The following DSG3 variants were observed in gnomAD, a reference collection of about 807,000 sequenced individuals.
The protein encoded by DSG3 is desmoglein 3.
DSG3 carries 63 observed loss-of-function variants against 85.9 expected under a neutral mutation model. The observed-to-expected ratio is 0.73, with a 90% CI of 0.60 to 0.90. The LOEUF (loss-of-function observed/expected upper bound fraction) is 0.90. DSG3 is among the 40% of genes least tolerant of loss of function. DSG3 has a pLI of 0.00. For synonymous variants in DSG3, 447 were observed against 441.9 expected (o/e 1.01, Z -0.14); for missense variants, 1,220 against 1,219.9 (o/e 1.00, Z 0.00).
rs577113476 is a variant in DSG3, at chr18:31,461,121, A to G, written c.814-106A>G. 1.4e-5 allele frequency: 17 copies of G among 1,242,222 alleles called. No homozygotes were observed. In the African/African-American group the frequency reaches 2.6e-4, roughly 19 times the overall value. 76.9% of individuals were successfully genotyped at this position (1,242,222 alleles called of 1,614,324 possible). ...AATATAAGAATTCAGTAATAAGAAG[A>G]AGGAAATACATAATTTGAGAAATAA... On this transcript the variant is annotated intron_variant, in intron 7 of 15. Coordinates refer to ENST00000257189, the MANE Select transcript of DSG3 (RefSeq NM_001944.3).
chr18:31,460,770 A>G, intron 6 of DSG3, 63 bp from the exon 7 acceptor site: 1 of 1,395,398 alleles, frequency 7.2e-7, no homozygotes, highest in Non-Finnish European at 9.7e-7. Context: ...ATAGGAATCA[A>G]GTAGTTTCCA....
At position 31,453,712 on chromosome 18, in the gene DSG3, CAAAA is replaced by C. The variant is rs534927900; in HGVS notation, c.49-2726_49-2723del. 1.5e-3 allele frequency among the ~76,000 whole-genome samples: 225 copies of C among 151,822 alleles called. 2 individuals carry two copies. The highest frequency in any genetic ancestry group is 5.3e-3 in the African/African-American group (220 of 41,464). ...TAAAATTTACAAAATAACCAGAAAA[CAAAA>C]AGAAAGAAAAGTACAGTAATTCTCA... On this transcript the variant is annotated intron_variant, in intron 1 of 15. Coordinates refer to ENST00000257189, the MANE Select transcript of DSG3 (RefSeq NM_001944.3).
rs1438046755 is a variant in DSG3, at chr18:31,478,515, G to A, written c.*2255G>A. On this transcript the variant is annotated 3_prime_UTR_variant, in exon 16 of 16. Transcript: ENST00000257189. ...AATTTCAAAAAAAAATCAATCTTTA[G>A]GATGACTTAAAAATTGATTTGCCAT... 6.6e-6 allele frequency: 1 copy of A among 152,002 alleles called. No homozygotes were observed. Among genetic ancestry groups the A allele is most frequent in the East Asian group, 1.9e-4 (1 of 5,196 alleles). The allele number at this position is 152,002 out of a possible 1,614,324, so 9.4% of individuals were successfully genotyped here.
chr18:31,472,397 A>G lies in DSG3; in HGVS notation c.2011A>G (p.Ile671Val), dbSNP rs182313668. ...GSEGTIHQWGIEGAHPEDKEI... is the reference protein window; with the variant it reads ...GSEGTIHQWGVEGAHPEDKEI... ...AGAAGGAACAATTCATCAGTGGGGA[A>G]TTGAAGGAGCCCATCCTGAAGACAA... The change falls in exon 13 of 16, where the codon ATT becomes GTT. Residue 671 changes from isoleucine to valine, a missense_variant. Physicochemically the swap from Ile to Val is conservative, Grantham distance 29 (BLOSUM62 3). Transcript: ENST00000257189. 1 of 1,614,018 alleles carries G rather than the reference A, an allele frequency of 6.2e-7. No homozygotes were observed. Among genetic ancestry groups the G allele is most frequent in the Non-Finnish European group, 8.5e-7 (1 of 1,179,978 alleles).
intron 11 of DSG3, among the ~76,000 whole-genome samples, chr18:31,468,877 T>TCCTTCCA (rs2072837579): frequency 6.6e-6 from 1 of 152,128 alleles, no homozygotes; most frequent in South Asian, 2.1e-4. Context: ...TGCTCTCTTG[T>TCCTTCCA]CCTTCCACCT....
At chr18:31,448,625 C>T (rs554241434) in intron 1 of DSG3, among the ~76,000 whole-genome samples, 1 of 146,924 alleles carries the variant, frequency 6.8e-6, no homozygotes, top group South Asian at 2.2e-4. Context: ...ATGTTACAGA[C>T]TAACTTACTC....
chr18:31,473,964 A>G (rs1012675723), intron 14 of DSG3, among the ~76,000 whole-genome samples, 157 bp from the exon 15 acceptor site: 2 of 152,182 alleles, frequency 1.3e-5, no homozygotes, highest in Non-Finnish European at 2.9e-5. Flanking sequence ...CTCTCACATA[A>G]CACATTGTGG....
chr18:31,475,380 T>C (rs921869634), intron 15 of DSG3, among the ~76,000 whole-genome samples: 2 of 152,150 alleles, frequency 1.3e-5, no homozygotes, highest in Non-Finnish European at 2.9e-5. Context: ...CTAGGTGGGA[T>C]GTGTGTTACA....
chr18:31,448,541 T>A (rs1475172302), intron 1 of DSG3, among the ~76,000 whole-genome samples: 1 of 151,998 alleles, frequency 6.6e-6, no homozygotes, highest in African/African-American at 2.4e-5. Flanking sequence ...AAGTAATACT[T>A]CTGTTGATTG....
Position 31,466,622 on chromosome 18 carries a change from G to A in DSG3, c.1504G>A (p.Val502Ile). Residue 502 changes from valine (V) to isoleucine (I), a missense_variant, in exon 11 of 16, where the codon GTT (valine) becomes ATT (isoleucine). Physicochemically the swap from Val to Ile is conservative, Grantham distance 29 (BLOSUM62 3). Transcript: ENST00000257189. ...CPTAVLEKDAVCSSSPSVVVS... is the reference protein window; with the variant it reads ...CPTAVLEKDAICSSSPSVVVS... ...AACAGCTGTCCTCGAAAAAGATGCA[G>A]TTTGCAGTTCTTCACCTTCCGTGGT... The A allele has an allele frequency of 6.2e-7, 1 of 1,614,094 alleles. No individual in the cohort carries two copies. Among genetic ancestry groups the A allele is most frequent in the Admixed American group, 1.7e-5 (1 of 60,012 alleles).
At chr18:31,457,207 A>G in intron 3 of DSG3, 83 bp downstream of exon 3, 11 of 1,432,216 alleles carry the variant, frequency 7.7e-6, no homozygotes, top group Non-Finnish European at 8.4e-6. Flanking sequence ...ATTCCAAATA[A>G]CAAAATGAAG....
intron 12 of DSG3, 34 bp downstream of exon 12, chr18:31,469,383 A>AGG: frequency 6.2e-7 from 1 of 1,607,906 alleles, no homozygotes; most frequent in Non-Finnish European, 8.5e-7. Context: ...CTGTTGGACC[A>AGG]GGTGTCCTCA....
chr18:31,469,528 C>T (rs750836756), intron 12 of DSG3, among the ~76,000 whole-genome samples, 179 bp downstream of exon 12: 7 of 152,162 alleles, frequency 4.6e-5, no homozygotes, highest in Non-Finnish European at 8.8e-5. Context: ...CGCTTGCTAA[C>T]AGTCTATATT....
rs1289097661 is a variant in DSG3, at chr18:31,474,325, G to A, written c.2306G>A (p.Arg769Lys). The part of the protein sequence containing the change: ...SSGQSGTMRT[R>K]HSTGGTNKDY... ...GGGCAGTCTGGAACCATGAGAACAAGGCATTCCACTGGAGGAACCAATAAG... is the reference window on the plus strand; with the variant it reads ...GGGCAGTCTGGAACCATGAGAACAAAGCATTCCACTGGAGGAACCAATAAG... Residue 769 changes from arginine (R) to lysine (K), a missense_variant, in exon 15 of 16, where the codon AGG (arginine) becomes AAG (lysine). Arg to Lys is a conservative substitution (Grantham distance 26). Coordinates refer to ENST00000257189, the MANE Select transcript of DSG3 (RefSeq NM_001944.3). The A allele has an allele frequency of 1.2e-6, 2 of 1,613,794 alleles. No homozygotes were observed. Among genetic ancestry groups the A allele is most frequent in the Non-Finnish European group, 1.7e-6 (2 of 1,180,024 alleles).
intron 11 of DSG3, among the ~76,000 whole-genome samples, chr18:31,468,129 G>A (rs945428925): frequency 2.0e-5 from 3 of 152,188 alleles, no homozygotes; most frequent in East Asian, 1.9e-4. Flanking sequence ...AAGAACTGTC[G>A]TGGGATCCAC....
Position 31,475,778 on chromosome 18 carries a change from G to A in DSG3, c.2518G>A (p.Asp840Asn). The A allele has an allele frequency of 6.2e-7, 1 of 1,614,140 alleles. No individual in the cohort carries two copies. Among genetic ancestry groups the A allele is most frequent in the Non-Finnish European group, 8.5e-7 (1 of 1,180,038 alleles). ...GGGTTGTTGCAGTTTTATTGCTGAT[G>A]ACCTGGATGACAGCTTCTTGGACTC... The part of the protein sequence containing the change: ...SVGCCSFIAD[D>N]LDDSFLDSLG... Residue 840 changes from aspartate to asparagine, a missense_variant, in exon 16 of 16, where the codon GAC becomes AAC. Asp to Asn is a conservative substitution (Grantham distance 23). Coordinates refer to ENST00000257189, the MANE Select transcript of DSG3 (RefSeq NM_001944.3).
chr18:31,457,936 C>T (rs1342567094), intron 3 of DSG3, among the ~76,000 whole-genome samples: 1 of 152,012 alleles, frequency 6.6e-6, no homozygotes, highest in Non-Finnish European at 1.5e-5. Context: ...GCCTGTTATA[C>T]TGTTCTAACT....
chr18:31,447,820 G>C lies in DSG3; in HGVS notation c.-58G>C. 1 of 1,460,414 alleles carries C rather than the reference G, an allele frequency of 6.8e-7. No homozygotes were observed. Among genetic ancestry groups the C allele is most frequent in the Non-Finnish European group, 9.3e-7 (1 of 1,073,560 alleles). 90.5% of individuals were successfully genotyped at this position (1,460,414 alleles called of 1,614,324 possible). ...TTTTCTTAGACATCAACTGCAGACG[G>C]CTGGCAGGATAGAAGCAGCGGCTCA... On this transcript the variant is annotated 5_prime_UTR_variant, in exon 1 of 16. Coordinates refer to ENST00000257189, the MANE Select transcript of DSG3 (RefSeq NM_001944.3).
At chr18:31,466,478 T>C in intron 10 of DSG3, 52 bp from the exon 11 acceptor site, 1 of 1,517,906 alleles carries the variant, frequency 6.6e-7, no homozygotes. Context: ...TCTCCTTTTT[T>C]GTACAACTTT....
Sources: allele counts gnomAD v4.1 joint callset (sites outside exome capture counted in the v4.1 genomes callset), GRCh38; gene constraint gnomAD v4.1.1; transcripts MANE v1.5; gene names NCBI Gene and HGNC (gene_info 2026-07-23, HGNC 2026-07-21).